FMNL3: variants seen among roughly 807,000 people sequenced by gnomAD.
The protein encoded by FMNL3 is formin-like protein 3.
In FMNL3, 57 loss-of-function variants were observed where a neutral mutation model predicts 119.6. The observed-to-expected ratio is 0.48, with a 90% CI of 0.39 to 0.59. The LOEUF (loss-of-function observed/expected upper bound fraction) is 0.59. Ranked by LOEUF, FMNL3 falls within the 20% of genes least tolerant of loss-of-function variation. The pLI, the probability that FMNL3 is intolerant of heterozygous loss-of-function variation, is 0.00. For missense variants in FMNL3, 1,053 were observed against 1,323.5 expected (o/e 0.80, Z 3.17); for synonymous variants, 491 against 507.3 (o/e 0.97, Z 0.43).
At chr12:49,677,764 C>A (rs565543373) in intron 1 of FMNL3, among the ~76,000 whole-genome samples, 1 of 152,290 alleles carries the variant, frequency 6.6e-6, no homozygotes, top group East Asian at 1.9e-4. Flanking sequence ...GTGAAAGAGG[C>A]ACATACACTA....
At chr12:49,690,208 G>GTCTCTCCAACTCAGATAGCAAGCAT (rs1944566029) in intron 1 of FMNL3, among the ~76,000 whole-genome samples, 1 of 152,162 alleles carries the variant, frequency 6.6e-6, no homozygotes, top group South Asian at 2.1e-4. Flanking sequence ...TACACATTTT[G>GTCTCTCCAACTCAGATAGCAAGCAT]TCTCTCCAAC....
At chr12:49,654,325 A>G (rs1363196349) in intron 10 of FMNL3, 23 bp from the exon 11 acceptor site, 1 of 1,602,856 alleles carries the variant, frequency 6.2e-7, no homozygotes, top group Non-Finnish European at 8.5e-7. Context: ...AGGCCCAGAG[A>G]AGCAGCAACA....
rs1943235463 is a variant in FMNL3 at position 49,647,326 on chromosome 12, C to T, written c.2821G>A (p.Val941Ile). The change falls in exon 24 of 26, where the codon GTA becomes ATA. Residue 941 changes from valine (V) to isoleucine (I), a missense_variant. Physicochemically the swap from Val to Ile is conservative, Grantham distance 29 (BLOSUM62 3). Around this residue, in one of 4 missense-constraint regions of FMNL3, gnomAD observed 324 missense variants for 380.9 expected, o/e 0.85. Transcript: ENST00000335154. This position sits in a 1 kb window ranked among gnomAD's most constrained non-coding sequence, Gnocchi z 4.9. The stretch of plus-strand genomic sequence containing the variant: ...TGAGCCAGCTGCTTCTCCCGCATTA[C>T]CTCCTCCTGCTTCTTGCGGGCTTCA... ...ENEARKKQEE[V>I]MREKQLAQEA... The T allele has an allele frequency of 1.2e-6, 2 of 1,613,820 alleles. No homozygotes were observed. The highest frequency in any genetic ancestry group is 2.2e-5 in the South Asian group (2 of 91,088).
At position 49,653,991 on chromosome 12, in the gene FMNL3, C is replaced by T. The variant is rs1006922506; in HGVS notation, c.1072-117G>A. On this transcript the variant is annotated intron_variant, in intron 11 of 25. Coordinates refer to ENST00000335154, the MANE Select transcript of FMNL3 (RefSeq NM_175736.5). Reference sequence around the variant, plus strand: ...GCCACCACTTCCCAAAGAGTTCCTGCTGCAGGCCATGTCAGATTCTCGCCC... The same window carrying T: ...GCCACCACTTCCCAAAGAGTTCCTGTTGCAGGCCATGTCAGATTCTCGCCC... The T allele has an allele frequency of 5.0e-6, 7 of 1,405,872 alleles. No homozygotes were observed. The Admixed American group carries it at 6.7e-5, about 13-fold the overall frequency. The allele number at this position is 1,405,872 out of a possible 1,614,324, so 87.1% of individuals were successfully genotyped here.
chr12:49,647,350 C>G lies in FMNL3; in HGVS notation c.2797G>C (p.Glu933Gln), dbSNP rs1286212385. 6.2e-7 allele frequency: 1 copy of G among 1,613,216 alleles called. No individual in the cohort carries two copies. Among genetic ancestry groups the G allele is most frequent in the South Asian group, 1.1e-5 (1 of 91,076 alleles). ...RSYKEAEQEN[E>Q]ARKKQEEVMR... ...ACCTCCTCCTGCTTCTTGCGGGCTT[C>G]ATTCTCTTGTTCTGCTTCCTAAGAG... Residue 933 changes from glutamate to glutamine, a missense_variant, in exon 24 of 26, where the codon GAA (glutamate) becomes CAA (glutamine). Around this residue, in one of 4 missense-constraint regions of FMNL3, gnomAD observed 324 missense variants for 380.9 expected, o/e 0.85. Transcript: ENST00000335154. This position sits in a 1 kb window ranked among gnomAD's most constrained non-coding sequence, Gnocchi z 4.9.
intron 17 of FMNL3, 83 bp downstream of exon 17, chr12:49,650,593 A>C: frequency 1.3e-6 from 2 of 1,486,266 alleles, no homozygotes; most frequent in South Asian, 1.2e-5. Context: ...GATGACCTGG[A>C]ATCTAGGGAA....
Position 49,642,623 on chromosome 12 carries a change from C to T in FMNL3, c.*3192G>A, listed in dbSNP as rs1942826178. The stretch of plus-strand genomic sequence containing the variant: ...TGTGACTCAGCCTTTGAGCAGATCA[C>T]CCTGGAGTCGGAGCGGATCCGGCTC... On this transcript the variant is annotated 3_prime_UTR_variant, in exon 26 of 26. Coordinates refer to ENST00000335154, the MANE Select transcript of FMNL3 (RefSeq NM_175736.5). This position sits in a 1 kb window ranked among gnomAD's most constrained non-coding sequence, Gnocchi z 5.8. 2.5e-6 allele frequency: 4 copies of T among 1,614,204 alleles called. No homozygotes were observed. Among genetic ancestry groups the T allele is most frequent in the Non-Finnish European group, 3.4e-6 (4 of 1,180,034 alleles).
At chr12:49,678,890 C>A (rs998642969) in intron 1 of FMNL3, among the ~76,000 whole-genome samples, 4 of 152,092 alleles carry the variant, frequency 2.6e-5, no homozygotes, top group African/African-American at 7.2e-5. Context: ...CATTACAAAT[C>A]CAGGAGTCTG....
Position 49,666,149 on chromosome 12 carries a change from A to G in FMNL3, c.269T>C (p.Leu90Ser). 6.2e-7 allele frequency: 1 copy of G among 1,614,154 alleles called. No individual in the cohort carries two copies. Among genetic ancestry groups the G allele is most frequent in the Non-Finnish European group, 8.5e-7 (1 of 1,179,986 alleles). Residue 90 changes from leucine to serine, a missense_variant, in exon 3 of 26, where the codon TTG (leucine) becomes TCG (serine). Leu to Ser is a moderately radical substitution (Grantham distance 145, BLOSUM62 -2). Coordinates refer to ENST00000335154, the MANE Select transcript of FMNL3 (RefSeq NM_175736.5). Reference protein sequence around the residue: ...HTYIQKLQSFLDPSVTRKKFR... With the variant: ...HTYIQKLQSFSDPSVTRKKFR... ...CACCTTCCGAGTTACACTGGGGTCCAAGAAGCTCTGGAGTTTCTGAATGTA... is the reference window on the plus strand; with the variant it reads ...CACCTTCCGAGTTACACTGGGGTCCGAGAAGCTCTGGAGTTTCTGAATGTA...
At chr12:49,704,372 T>C (rs1944986134) in intron 1 of FMNL3, among the ~76,000 whole-genome samples, 1 of 151,970 alleles carries the variant, frequency 6.6e-6, no homozygotes, top group Admixed American at 6.6e-5. Context: ...AAGAAAAAGG[T>C]GAGAAAGGAA....
Position 49,707,231 on chromosome 12 carries a change from G to A in FMNL3, c.-51C>T, listed in dbSNP as rs771544066. ...CGGCCCCCCACCTCCACGCTCCGGA[G>A]CTTTCGGCTCCGCGGCTCCGACCAG... On this transcript the variant is annotated 5_prime_UTR_variant, in exon 1 of 26. Transcript: ENST00000335154. 31 of 1,429,668 alleles carry A rather than the reference G, an allele frequency of 2.2e-5. No individual in the cohort carries two copies. In the African/African-American group the frequency reaches 4.3e-4, roughly 20 times the overall value. The allele number at this position is 1,429,668 out of a possible 1,614,324, so 88.6% of individuals were successfully genotyped here. A position where few individuals can be genotyped will look rare whatever the true frequency, so the allele number is the denominator to read the frequency against.
At position 49,643,631 on chromosome 12, in the gene FMNL3, CAAAG is replaced by C. The variant is rs1555214485; in HGVS notation, c.*2180_*2183del. 7.7e-6 allele frequency: 12 copies of C among 1,558,970 alleles called. No homozygotes were observed. Among genetic ancestry groups the C allele is most frequent in the Non-Finnish European group, 8.7e-6 (10 of 1,144,830 alleles). ...TGAAGAATGAACAGAGGGGCTAGAA[CAAAG>C]AAAAAGAGCCTGTCTTTCTCCTGTT... On this transcript the variant is annotated 3_prime_UTR_variant, in exon 26 of 26. Coordinates refer to ENST00000335154, the MANE Select transcript of FMNL3 (RefSeq NM_175736.5).
intron 12 of FMNL3, 58 bp downstream of exon 12, chr12:49,653,667 C>T: frequency 6.2e-7 from 1 of 1,604,548 alleles, no homozygotes; most frequent in Admixed American, 1.7e-5. Context: ...GCTCAGGATT[C>T]CTGGTTACTT....
intron 6 of FMNL3, 38 bp from the exon 7 acceptor site, chr12:49,657,228 G>C (rs772864360): frequency 4.6e-6 from 7 of 1,528,778 alleles, no homozygotes. Context: ...GGGAGCTGAG[G>C]CTGCCAGTGA....
intron 1 of FMNL3, among the ~76,000 whole-genome samples, chr12:49,668,921 A>G (rs958092310): frequency 2.0e-5 from 3 of 152,238 alleles, no homozygotes; most frequent in Non-Finnish European, 4.4e-5. Context: ...ATATACATAC[A>G]TCATACCATA....
rs374499708 is a variant in FMNL3, at chr12:49,649,167, G to C, written c.2386-9C>G. The C allele has an allele frequency of 8.7e-6, 14 of 1,612,148 alleles. No individual in the cohort carries two copies. Among genetic ancestry groups the C allele is most frequent in the Middle Eastern group, 1.6e-4 (1 of 6,070 alleles). ...GACTTGGTATCCAGCAGCTAGGAGA[G>C]GGGGTGAGGGCGGTGCACAAGAGCT... On this transcript the variant is annotated splice_polypyrimidine_tract_variant and intron_variant, in intron 20 of 25. Coordinates refer to ENST00000335154, the MANE Select transcript of FMNL3 (RefSeq NM_175736.5). The surrounding 1 kb of genome is among the most constrained non-coding windows in gnomAD (Gnocchi z 5.6).
rs1444762210 is a variant in FMNL3, at chr12:49,658,549, G to A, written c.498C>T (p.Asp166=). ...TTGACCTGCTCCAGGACCGGAGTTTGTCAAATGCACCATCGTCACCACTTT... is the reference window on the plus strand; with the variant it reads ...TTGACCTGCTCCAGGACCGGAGTTTATCAAATGCACCATCGTCACCACTTT... ...GLESGDDGAF[D]KLRSWSRSIE... is the part of the protein sequence containing the mutation. Residue 166 remains aspartate, a synonymous_variant, in exon 6 of 26, where the codon GAC becomes GAT. Coordinates refer to ENST00000335154, the MANE Select transcript of FMNL3 (RefSeq NM_175736.5). 6.2e-7 allele frequency: 1 copy of A among 1,613,218 alleles called. No individual in the cohort carries two copies. The highest frequency in any genetic ancestry group is 1.7e-5 in the Admixed American group (1 of 59,910).
At chr12:49,665,953 T>C (rs774398086) in intron 3 of FMNL3, 45 bp from the exon 4 acceptor site, 61 of 1,602,682 alleles carry the variant, frequency 3.8e-5, no homozygotes, top group Non-Finnish European at 5.0e-5. Flanking sequence ...AGGGCAGTTA[T>C]AGACTTTCCC....
chr12:49,650,823 G>A lies in FMNL3; in HGVS notation c.1853C>T (p.Ala618Val), dbSNP rs1943375408. The A allele has an allele frequency of 6.2e-7, 1 of 1,614,204 alleles. No homozygotes were observed. Among genetic ancestry groups the A allele is most frequent in the Non-Finnish European group, 8.5e-7 (1 of 1,180,026 alleles). ...GTTTTTGGAGCAGATGAGGTCAAGG[G>A]CAGGGCCCTGCGCTTTTGTCTTGAA... ...ELFKTKAQGP[A>V]LDLICSKNKT... is the part of the protein sequence containing the mutation. Residue 618 changes from alanine (A) to valine (V), a missense_variant, in exon 17 of 26, where the codon GCC (alanine) becomes GTC (valine). Around this residue, in one of 4 missense-constraint regions of FMNL3, gnomAD observed 445 missense variants for 628.4 expected, o/e 0.71. Coordinates refer to ENST00000335154, the MANE Select transcript of FMNL3 (RefSeq NM_175736.5).
Sources: gnomAD v4.1 joint callset for allele counts (sites outside exome capture counted in the v4.1 genomes callset) on GRCh38, gnomAD v4.1.1 for gene constraint, gnomAD v4.1.1 regional missense constraint, Gnocchi (gnomAD v3.1) non-coding constraint, MANE v1.5 for transcripts, NCBI Gene and HGNC (gene_info 2026-07-23, HGNC 2026-07-21) for gene names.